REDIC1: variants seen among roughly 807,000 people sequenced by gnomAD.
The protein encoded by REDIC1 is HEI10 Interacting Protein 1.
the REDIC1 span, among the ~76,000 whole-genome samples, chr12:39,822,434 C>T: frequency 6.6e-6 from 1 of 152,146 alleles, no homozygotes; most frequent in Non-Finnish European, 1.5e-5. Context: ...GGCTCTTTAA[C>T]CATCTGATCT....
the REDIC1 span, among the ~76,000 whole-genome samples, chr12:39,661,983 C>T: frequency 6.6e-6 from 1 of 151,938 alleles, no homozygotes; most frequent in Non-Finnish European, 1.5e-5. Context: ...TTTCTGGGTT[C>T]TCATTCTGTT....
the REDIC1 span, among the ~76,000 whole-genome samples, chr12:39,895,884 GCGTGTA>G: frequency 1.9e-4 from 1 of 5,402 alleles, no homozygotes; most frequent in Admixed American, 1.7e-3. Flanking sequence ...ATATGTATAT[GCGTGTA>G]TATGCACACA....
the REDIC1 span, among the ~76,000 whole-genome samples, chr12:39,887,427 G>C: frequency 1.3e-5 from 2 of 152,022 alleles, no homozygotes; most frequent in African/African-American, 2.4e-5. Flanking sequence ...GAGGGCTCTA[G>C]AATCAATGAA....
At chr12:39,822,425 G>C in the REDIC1 span, among the ~76,000 whole-genome samples, 2 of 151,996 alleles carry the variant, frequency 1.3e-5, no homozygotes, top group Non-Finnish European at 2.9e-5. Context: ...TCTAAATAAG[G>C]CTCTTTAACC....
the REDIC1 span, among the ~76,000 whole-genome samples, chr12:39,772,851 A>G: frequency 1.6e-5 from 2 of 126,044 alleles, no homozygotes; most frequent in African/African-American, 5.8e-5. Context: ...TACATGTGCA[A>G]AAAAAAGGCC....
the REDIC1 span, chr12:39,736,959 A>G: frequency 2.2e-4 from 33 of 152,320 alleles, no homozygotes; most frequent in East Asian, 5.0e-3. Context: ...ATGATAAAAT[A>G]TGTTGTTTTG....
the REDIC1 span, among the ~76,000 whole-genome samples, chr12:39,724,477 C>T: frequency 1.3e-5 from 2 of 152,218 alleles, no homozygotes; most frequent in East Asian, 3.9e-4. Context: ...CAACACTTCC[C>T]TTCTTCTCCC....
the REDIC1 span, among the ~76,000 whole-genome samples, chr12:39,779,580 C>CT: frequency 2.0e-5 from 3 of 152,132 alleles, no homozygotes; most frequent in East Asian, 3.8e-4. Flanking sequence ...AATTAAAACA[C>CT]TTTTTTTGCT....
chr12:39,871,775 G>A, the REDIC1 span: 6 of 1,577,382 alleles, frequency 3.8e-6, no homozygotes, highest in South Asian at 1.2e-5. Flanking sequence ...GTTTATAATT[G>A]AATTCTTTAT....
the REDIC1 span, among the ~76,000 whole-genome samples, chr12:39,885,833 C>G: frequency 6.6e-6 from 1 of 152,144 alleles, no homozygotes. Context: ...TCCTCTTTGT[C>G]CAGCTCCAGC....
chr12:39,682,300 T>G, the REDIC1 span, among the ~76,000 whole-genome samples: 1 of 152,130 alleles, frequency 6.6e-6, no homozygotes, highest in Non-Finnish European at 1.5e-5. Flanking sequence ...TTGTCTAGTT[T>G]ATTCTTTAGA....
the REDIC1 span, among the ~76,000 whole-genome samples, chr12:39,863,691 T>A: frequency 0.64 from 96,905 of 151,972 alleles, 31,080 homozygotes; most frequent in East Asian, 0.77. Flanking sequence ...AAAAAGACTA[T>A]GAAAGTCAGT....
the REDIC1 span, among the ~76,000 whole-genome samples, chr12:39,868,392 A>T: frequency 8.1e-4 from 123 of 152,312 alleles, 2 homozygotes; most frequent in South Asian, 8.1e-3. Context: ...ATTAGTAAAT[A>T]CTCAAAAAAA....
At chr12:39,751,978 C>A in the REDIC1 span, among the ~76,000 whole-genome samples, 1 of 152,116 alleles carries the variant, frequency 6.6e-6, no homozygotes, top group African/African-American at 2.4e-5. Context: ...GTGCAGCACA[C>A]CAGCATGGCA....
chr12:39,772,795 C>A, the REDIC1 span, among the ~76,000 whole-genome samples: 1 of 152,264 alleles, frequency 6.6e-6, no homozygotes, highest in Admixed American at 6.5e-5. Context: ...AGAGTGGACT[C>A]TGTGCTTGCC....
At chr12:39,858,425 T>C in the REDIC1 span, among the ~76,000 whole-genome samples, 4 of 152,092 alleles carry the variant, frequency 2.6e-5, no homozygotes, top group South Asian at 8.3e-4. Context: ...TTGAAACAGA[T>C]TCATTTTATA....
chr12:39,638,105 A>G, the REDIC1 span, among the ~76,000 whole-genome samples: 1 of 152,000 alleles, frequency 6.6e-6, no homozygotes, highest in Non-Finnish European at 1.5e-5. Flanking sequence ...ACAAACAAAC[A>G]ACAACAACAA....
the REDIC1 span, among the ~76,000 whole-genome samples, chr12:39,761,179 A>G: frequency 6.6e-6 from 1 of 151,938 alleles, no homozygotes; most frequent in Admixed American, 6.6e-5. Context: ...AACTGAGTTT[A>G]AGTGTTGGCC....
the REDIC1 span, among the ~76,000 whole-genome samples, chr12:39,706,691 G>A: frequency 1.3e-5 from 2 of 151,904 alleles, no homozygotes; most frequent in Non-Finnish European, 2.9e-5. Flanking sequence ...AGAGAACCCA[G>A]AAACAATTCC....
Sources: gnomAD v4.1 joint callset for allele counts (sites outside exome capture counted in the v4.1 genomes callset) on GRCh38, gnomAD v4.1.1 for gene constraint, MANE v1.5 for transcripts, NCBI Gene and HGNC (gene_info 2026-07-23, HGNC 2026-07-21) for gene names.